SPAG16: variants seen among roughly 807,000 people sequenced by gnomAD.
The protein encoded by SPAG16 is sperm-associated antigen 16 protein.
SPAG16 carries 86 observed loss-of-function variants against 80.4 expected under a neutral mutation model. The ratio of observed to expected loss-of-function variants is 1.07; its 90% CI spans 0.90 to 1.28. SPAG16 has a LOEUF of 1.28. SPAG16 is among the 50% of genes most tolerant of loss of function. SPAG16 has a pLI of 0.00. For synonymous variants in SPAG16, 294 were observed against 265.9 expected (o/e 1.11, Z -1.03); for missense variants, 870 against 765.3 (o/e 1.14, Z -1.61).
intron 3 of SPAG16, among the ~76,000 whole-genome samples, chr2:213,304,856 C>A (rs747278668): frequency 1.3e-5 from 2 of 152,034 alleles, no homozygotes; most frequent in Non-Finnish European, 2.9e-5. Flanking sequence ...TAATGTGGGA[C>A]TTTTTTGGTT....
chr2:214,305,283 G>C (rs972574459), intron 15 of SPAG16, among the ~76,000 whole-genome samples: 1 of 152,142 alleles, frequency 6.6e-6, no homozygotes, highest in Non-Finnish European at 1.5e-5. Context: ...ACCTTTGTCA[G>C]ATGCAGTTTG....
At chr2:213,891,158 C>T (rs1246002708) in intron 11 of SPAG16, among the ~76,000 whole-genome samples, 1 of 151,916 alleles carries the variant, frequency 6.6e-6, no homozygotes, top group Non-Finnish European at 1.5e-5. Context: ...ATGGTTATTT[C>T]TGTCATTAAT....
At chr2:213,468,543 A>ATC (rs1443964216) in intron 9 of SPAG16, among the ~76,000 whole-genome samples, 67 of 122,812 alleles carry the variant, frequency 5.5e-4, no homozygotes, top group South Asian at 1.2e-3. Context: ...AGATATATAT[A>ATC]TATGTATTTA....
intron 10 of SPAG16, among the ~76,000 whole-genome samples, chr2:213,495,593 G>A (rs2074445571): frequency 6.6e-6 from 1 of 152,202 alleles, no homozygotes; most frequent in Non-Finnish European, 1.5e-5. Flanking sequence ...TGAAGGAAGA[G>A]GTAATAAGCC....
At chr2:213,628,068 T>G (rs1171763552) in intron 10 of SPAG16, among the ~76,000 whole-genome samples, 1 of 152,218 alleles carries the variant, frequency 6.6e-6, no homozygotes, top group East Asian at 1.9e-4. Flanking sequence ...CCTGCATTGT[T>G]AAAGAAGCCA....
At chr2:213,361,756 C>T (rs2065990388) in intron 7 of SPAG16, among the ~76,000 whole-genome samples, 1 of 148,078 alleles carries the variant, frequency 6.8e-6, no homozygotes, top group African/African-American at 2.5e-5. Flanking sequence ...GGATCCCCAA[C>T]TAAATTTGAT....
chr2:214,080,634 TAAAAAGA>T (rs1033671226), intron 13 of SPAG16, among the ~76,000 whole-genome samples: 22 of 149,912 alleles, frequency 1.5e-4, no homozygotes, highest in African/African-American at 5.1e-4. Context: ...TAAAATAAAA[TAAAAAGA>T]AAAAAGAAAA....
At chr2:213,443,083 A>C (rs1164075881) in intron 9 of SPAG16, among the ~76,000 whole-genome samples, 1 of 152,194 alleles carries the variant, frequency 6.6e-6, no homozygotes, top group Non-Finnish European at 1.5e-5. Flanking sequence ...TACTGTTTTG[A>C]TATATATTAT....
intron 15 of SPAG16, among the ~76,000 whole-genome samples, chr2:214,188,280 G>A (rs375078439): frequency 1.3e-5 from 2 of 152,242 alleles, no homozygotes; most frequent in South Asian, 2.1e-4. Flanking sequence ...GATCTAAAGG[G>A]AAATTTTGTC....
chr2:213,811,219 G>A (rs1176804277), intron 10 of SPAG16, among the ~76,000 whole-genome samples: 7 of 152,086 alleles, frequency 4.6e-5, no homozygotes, highest in Non-Finnish European at 8.8e-5. Context: ...GGTGTCTAAT[G>A]TAGCTCTTGG....
At chr2:214,371,216 T>A (rs1007169698) in intron 15 of SPAG16, among the ~76,000 whole-genome samples, 3 of 152,128 alleles carry the variant, frequency 2.0e-5, no homozygotes, top group Admixed American at 2.0e-4. Flanking sequence ...CCCTGTGTAA[T>A]GACAGCCTAC....
intron 15 of SPAG16, among the ~76,000 whole-genome samples, chr2:214,208,662 A>G (rs537563354): frequency 2.0e-5 from 3 of 150,158 alleles, no homozygotes; most frequent in African/African-American, 4.9e-5. Flanking sequence ...TGAGGTTGCA[A>G]TTTTTTTTTT....
At chr2:213,912,065 T>A (rs1182525401) in intron 11 of SPAG16, among the ~76,000 whole-genome samples, 3 of 152,140 alleles carry the variant, frequency 2.0e-5, no homozygotes, top group Admixed American at 6.5e-5. Flanking sequence ...GTAAACTGTA[T>A]TTTACTGATA....
chr2:213,573,704 AT>A (rs1328465564), intron 10 of SPAG16, among the ~76,000 whole-genome samples: 2 of 152,110 alleles, frequency 1.3e-5, no homozygotes, highest in African/African-American at 2.4e-5. Context: ...TTCTTCTACT[AT>A]TTTTGGAGTT....
intron 9 of SPAG16, among the ~76,000 whole-genome samples, chr2:213,484,808 C>G (rs147920110): frequency 5.3e-5 from 8 of 152,198 alleles, no homozygotes; most frequent in African/African-American, 1.9e-4. Flanking sequence ...ATATTTAAAT[C>G]GAACTTCTTC....
intron 15 of SPAG16, among the ~76,000 whole-genome samples, chr2:214,398,465 A>C (rs1259674475): frequency 6.6e-6 from 1 of 152,060 alleles, no homozygotes; most frequent in African/African-American, 2.4e-5. Flanking sequence ...CATTACTTTA[A>C]CTCCAAGTAC....
At chr2:214,151,757 T>A (rs1453338205) in intron 15 of SPAG16, among the ~76,000 whole-genome samples, 1 of 151,590 alleles carries the variant, frequency 6.6e-6, no homozygotes, top group Non-Finnish European at 1.5e-5. Context: ...ACAACTTATA[T>A]AATGTGAGGC....
At chr2:213,525,352 G>C (rs767507559) in intron 10 of SPAG16, among the ~76,000 whole-genome samples, 6 of 141,766 alleles carry the variant, frequency 4.2e-5, no homozygotes, top group African/African-American at 8.0e-5. Flanking sequence ...GCAGTGGCGC[G>C]ATCTTGGCTC....
intron 10 of SPAG16, among the ~76,000 whole-genome samples, chr2:213,739,758 C>T (rs969528153): frequency 5.9e-5 from 9 of 152,068 alleles, no homozygotes; most frequent in East Asian, 3.9e-4. Flanking sequence ...TGGGCCACCA[C>T]GGCCAGCTAA....
Sources: gnomAD v4.1 joint callset for allele counts (sites outside exome capture counted in the v4.1 genomes callset) on GRCh38, gnomAD v4.1.1 for gene constraint, MANE v1.5 for transcripts, NCBI Gene and HGNC (gene_info 2026-07-23, HGNC 2026-07-21) for gene names.